Variants in CDKAL1 observed in about 807,000 individuals in gnomAD.
The protein encoded by CDKAL1 is threonylcarbamoyladenosine tRNA methylthiotransferase.
A neutral mutation model predicts 68.2 loss-of-function variants in CDKAL1; 32 were observed. The ratio of observed to expected loss-of-function variants is 0.47; its 90% CI spans 0.35 to 0.63. The LOEUF is 0.63. CDKAL1 is among the 30% of genes least tolerant of loss of function. The pLI, the probability that CDKAL1 is intolerant of heterozygous loss-of-function variation, is 0.00. For synonymous variants in CDKAL1, 234 were observed against 244.3 expected (o/e 0.96, Z 0.39); for missense variants, 606 against 696.7 (o/e 0.87, Z 1.47).
intron 11 of CDKAL1, 101 bp from the exon 12 acceptor site, chr6:21,064,947 A>G (rs551761915): frequency 5.6e-6 from 4 of 716,470 alleles, no homozygotes; most frequent in Non-Finnish European, 6.3e-6. Context: ...TTTTATAAAA[A>G]TAAATTTTAA....
chr6:20,773,399 A>G (rs1775027281), intron 7 of CDKAL1, among the ~76,000 whole-genome samples: 1 of 152,230 alleles, frequency 6.6e-6, no homozygotes, highest in Admixed American at 6.5e-5. Context: ...CCTGTTAAGG[A>G]CACTTAAAGT....
intron 8 of CDKAL1, among the ~76,000 whole-genome samples, chr6:20,822,634 A>G (rs72832363): frequency 0.12 from 18,908 of 152,148 alleles, 1,353 homozygotes; most frequent in African/African-American, 0.18. Context: ...GGGAGAGTCC[A>G]GGTGGAGGTA....
chr6:21,199,631 C>G (rs1182651671), intron 14 of CDKAL1, among the ~76,000 whole-genome samples: 1 of 152,104 alleles, frequency 6.6e-6, no homozygotes, highest in African/African-American at 2.4e-5. Flanking sequence ...GGGCTTTTTC[C>G]AATTATTAAA....
Position 21,003,371 on chromosome 6 carries a change from T to TATATATATATACACACAC in CDKAL1, c.1055+3000_1055+3001insTATATATATACACACACA. ...ATATATATATATATATATATATATATACACACACACACACACACATATATA... is the reference window on the plus strand; with the variant it reads ...ATATATATATATATATATATATATATATATATATATACACACACACACACACACACACACACATATATA... On this transcript the variant is annotated intron_variant, in intron 11 of 15. Transcript: ENST00000274695. Among the ~76,000 whole-genome samples, 8 of 49,300 alleles carry TATATATATATACACACAC rather than the reference T, an allele frequency of 1.6e-4. No individual in the cohort carries two copies. The East Asian group carries it at 2.6e-3, about 16-fold the overall frequency. The allele number at this position is 49,300 out of a possible 152,430, so 32.3% of individuals were successfully genotyped here.
intron 13 of CDKAL1, among the ~76,000 whole-genome samples, chr6:21,179,448 T>TTA: frequency 6.6e-6 from 1 of 152,214 alleles, no homozygotes; most frequent in East Asian, 1.9e-4. Context: ...CAAGGGGCAT[T>TTA]TATTTCCCTG....
intron 15 of CDKAL1, among the ~76,000 whole-genome samples, chr6:21,213,949 GACAA>G (rs1779252303): frequency 6.6e-6 from 1 of 152,180 alleles, no homozygotes; most frequent in African/African-American, 2.4e-5. Context: ...CAGATGAATG[GACAA>G]ACAAAATGTG....
chr6:21,126,278 G>T (rs972610329), intron 13 of CDKAL1, among the ~76,000 whole-genome samples: 1 of 152,184 alleles, frequency 6.6e-6, no homozygotes, highest in Non-Finnish European at 1.5e-5. Flanking sequence ...TATAAAGAGA[G>T]TAAAGCTCCT....
intron 8 of CDKAL1, among the ~76,000 whole-genome samples, chr6:20,798,808 A>G (rs560718693): frequency 6.7e-4 from 102 of 151,490 alleles, no homozygotes; most frequent in African/African-American, 2.4e-3. Context: ...GATATATCTA[A>G]CGTAAATGAC....
chr6:21,072,464 C>G (rs1771833231), intron 12 of CDKAL1, among the ~76,000 whole-genome samples: 1 of 143,110 alleles, frequency 7.0e-6, no homozygotes, highest in Non-Finnish European at 1.5e-5. Context: ...TGCATAAAAT[C>G]AGCTTTTAAA....
chr6:21,140,788 T>A (rs1775861593), intron 13 of CDKAL1, among the ~76,000 whole-genome samples: 1 of 152,138 alleles, frequency 6.6e-6, no homozygotes, highest in Admixed American at 6.5e-5. Context: ...TATTAGTCCG[T>A]TTTCAGGCTG....
intron 9 of CDKAL1, among the ~76,000 whole-genome samples, chr6:20,932,162 T>A (rs1352107903): frequency 6.6e-6 from 1 of 152,214 alleles, no homozygotes; most frequent in East Asian, 1.9e-4. Flanking sequence ...GAAATAATAG[T>A]GTGAGAACAA....
intron 9 of CDKAL1, among the ~76,000 whole-genome samples, chr6:20,948,505 A>T (rs941006355): frequency 2.0e-5 from 3 of 152,112 alleles, no homozygotes; most frequent in Non-Finnish European, 4.4e-5. Flanking sequence ...TGAAATCTCG[A>T]TAAGTTTTTA....
At chr6:20,740,106 T>G (rs1018259161) in intron 6 of CDKAL1, among the ~76,000 whole-genome samples, 14 of 152,254 alleles carry the variant, frequency 9.2e-5, no homozygotes, top group Admixed American at 3.3e-4. Flanking sequence ...TTCTCTTTGC[T>G]TACTGTGCAG....
intron 15 of CDKAL1, among the ~76,000 whole-genome samples, chr6:21,221,051 C>G (rs2151124519): frequency 6.6e-6 from 1 of 152,046 alleles, no homozygotes; most frequent in South Asian, 2.1e-4. Flanking sequence ...CCTGTAATCC[C>G]AGCTACTCGG....
intron 4 of CDKAL1, among the ~76,000 whole-genome samples, chr6:20,630,994 A>G (rs1767650297): frequency 6.6e-6 from 1 of 152,228 alleles, no homozygotes. Flanking sequence ...AATGTATAGG[A>G]AATTAAGTCA....
intron 14 of CDKAL1, among the ~76,000 whole-genome samples, chr6:21,199,623 G>C (rs1329790927): frequency 2.0e-5 from 3 of 152,122 alleles, no homozygotes; most frequent in Non-Finnish European, 4.4e-5. Context: ...AAGCAGTCGG[G>C]CTTTTTCCAA....
chr6:20,891,406 C>T (rs987646135), intron 9 of CDKAL1, among the ~76,000 whole-genome samples: 1 of 152,170 alleles, frequency 6.6e-6, no homozygotes, highest in Non-Finnish European at 1.5e-5. Flanking sequence ...TAATAACACT[C>T]CCCCTGGAGT....
At chr6:20,554,256 T>A (rs1763949673) in intron 4 of CDKAL1, among the ~76,000 whole-genome samples, 1 of 152,250 alleles carries the variant, frequency 6.6e-6, no homozygotes, top group South Asian at 2.1e-4. Context: ...TGTGATATAA[T>A]TAGATTAGTA....
At chr6:20,883,719 C>G (rs1760934559) in intron 9 of CDKAL1, among the ~76,000 whole-genome samples, 1 of 152,088 alleles carries the variant, frequency 6.6e-6, no homozygotes, top group South Asian at 2.1e-4. Flanking sequence ...ACAATATTAT[C>G]ATAGAATCTA....
Sources: allele counts gnomAD v4.1 joint callset (sites outside exome capture counted in the v4.1 genomes callset), GRCh38; gene constraint gnomAD v4.1.1; transcripts MANE v1.5; gene names NCBI Gene and HGNC (gene_info 2026-07-23, HGNC 2026-07-21).